The following CEP162 variants were observed in gnomAD, a reference collection of about 807,000 sequenced individuals.
The protein encoded by CEP162 is centrosomal protein of 162 kDa.
CEP162 carries 141 observed loss-of-function variants against 169.2 expected under a neutral mutation model. The observed-to-expected ratio is 0.83, with a 90% CI of 0.73 to 0.96. The LOEUF (loss-of-function observed/expected upper bound fraction) is 0.96. CEP162 is among the 40% of genes least tolerant of loss of function. The probability of loss-of-function intolerance (pLI) is 0.00; values close to 1 mark genes in which losing one functional copy is unlikely to be tolerated. For missense variants in CEP162, 1,600 were observed against 1,587.2 expected, an observed-to-expected ratio of 1.01 and a Z score of -0.14; for synonymous variants, 540 against 526.4, an observed-to-expected ratio of 1.03 and a Z score of -0.35.
At chr6:84,165,488 A>T (rs2099527463) in intron 18 of CEP162, among the ~76,000 whole-genome samples, 1 of 152,014 alleles carries the variant, frequency 6.6e-6, no homozygotes, top group Non-Finnish European at 1.5e-5. Flanking sequence ...TCTGTCTCCC[A>T]CAAACTTCAG....
At chr6:84,179,192 G>C (rs890963309) in intron 13 of CEP162, among the ~76,000 whole-genome samples, 9 of 152,138 alleles carry the variant, frequency 5.9e-5, no homozygotes, top group African/African-American at 2.2e-4. Context: ...GGGATGGCTG[G>C]TTCAAAAGGT....
chr6:84,214,834 A>G (rs1460928679), intron 5 of CEP162, among the ~76,000 whole-genome samples: 1 of 152,208 alleles, frequency 6.6e-6, no homozygotes, highest in Non-Finnish European at 1.5e-5. Context: ...TGGGATTTCT[A>G]GAATAAATGA....
intron 25 of CEP162, among the ~76,000 whole-genome samples, chr6:84,135,406 T>C (rs780424734): frequency 3.3e-5 from 5 of 152,152 alleles, no homozygotes; most frequent in Admixed American, 6.5e-5. Context: ...TGGCAGGAGG[T>C]GGCTCAGGTG....
At chr6:84,166,665 C>T (rs2129213400) in intron 18 of CEP162, among the ~76,000 whole-genome samples, 1 of 152,248 alleles carries the variant, frequency 6.6e-6, no homozygotes, top group South Asian at 2.1e-4. Flanking sequence ...CCCCATTCTC[C>T]TCCCAATCCT....
intron 21 of CEP162, among the ~76,000 whole-genome samples, chr6:84,157,064 T>G (rs368923197): frequency 1.2e-4 from 19 of 152,296 alleles, no homozygotes; most frequent in East Asian, 9.7e-4. Context: ...TTCACCACTA[T>G]GCAATATATG....
At chr6:84,145,611 T>G (rs1286759332) in intron 25 of CEP162, among the ~76,000 whole-genome samples, 1 of 152,078 alleles carries the variant, frequency 6.6e-6, no homozygotes, top group Non-Finnish European at 1.5e-5. Flanking sequence ...CTGGTCTAGA[T>G]CTCTGTCTAT....
chr6:84,226,477 C>A, intron 1 of CEP162, 25 bp from the exon 2 acceptor site: 1 of 978,444 alleles, frequency 1.0e-6, no homozygotes, highest in African/African-American at 1.6e-5. Flanking sequence ...ACATAAACAT[C>A]TTTTGAGGAA....
rs772030676 is a variant in CEP162, at chr6:84,200,881, G to C, written c.743C>G (p.Ser248Cys). ...ANVVLLDSLD[S>C]VAEVNLDEQD... ...TTCATCAAGATTGACCTCTGCAACA[G>C]AGTCTAATGAATCAAGCAGCACAAC... The change falls in exon 9 of 27, where the codon TCT (serine) becomes TGT (cysteine). Residue 248 changes from serine (S) to cysteine (C), a missense_variant. By Grantham distance (112) the Ser-to-Cys change is moderately radical. Coordinates refer to ENST00000403245, the MANE Select transcript of CEP162 (RefSeq NM_014895.4). The C allele has an allele frequency of 3.1e-6, 5 of 1,606,370 alleles. No homozygotes were observed. The highest frequency in any genetic ancestry group is 2.2e-5 in the South Asian group (2 of 90,668).
At chr6:84,129,724 T>C (rs2099510480) in intron 25 of CEP162, among the ~76,000 whole-genome samples, 1 of 152,148 alleles carries the variant, frequency 6.6e-6, no homozygotes, top group African/African-American at 2.4e-5. Flanking sequence ...TTTTGGTGTT[T>C]TAGTCATGAA....
intron 23 of CEP162, 75 bp downstream of exon 23, chr6:84,152,470 G>A (rs1243367273): frequency 1.3e-6 from 1 of 772,548 alleles, no homozygotes; most frequent in Non-Finnish European, 1.9e-6. Context: ...ATTATCTGGA[G>A]GAAATATATC....
Position 84,160,919 on chromosome 6 carries a change from G to T in CEP162, c.2677-3C>A, listed in dbSNP as rs886594532. On this transcript the variant is annotated splice_region_variant and splice_polypyrimidine_tract_variant and intron_variant, in intron 20 of 26. Transcript: ENST00000403245. ...GATTCAGCTTTCAGTTTCTCAATCTGTCAATAAATAAATAACATGTTAAGA... is the reference window on the plus strand; with the variant it reads ...GATTCAGCTTTCAGTTTCTCAATCTTTCAATAAATAAATAACATGTTAAGA... 6.4e-7 allele frequency: 1 copy of T among 1,570,128 alleles called. No homozygotes were observed. The highest frequency in any genetic ancestry group is 1.1e-5 in the South Asian group (1 of 90,174).
At chr6:84,137,197 T>C (rs910049671) in intron 25 of CEP162, among the ~76,000 whole-genome samples, 1 of 152,220 alleles carries the variant, frequency 6.6e-6, no homozygotes, top group Non-Finnish European at 1.5e-5. Flanking sequence ...TGACTTGCAT[T>C]GAAGAGAAAT....
intron 2 of CEP162, among the ~76,000 whole-genome samples, chr6:84,223,069 C>T (rs758783909): frequency 1.3e-5 from 2 of 152,088 alleles, no homozygotes; most frequent in Non-Finnish European, 2.9e-5. Flanking sequence ...TACTACTGAC[C>T]TTGTAGGGCC....
chr6:84,216,593 T>G (rs556661167), intron 3 of CEP162, among the ~76,000 whole-genome samples: 37 of 152,278 alleles, frequency 2.4e-4, no homozygotes, highest in African/African-American at 8.9e-4. Flanking sequence ...TAATATATAT[T>G]AAGCATATTA....
At chr6:84,185,567 C>T (rs534647442) in intron 12 of CEP162, 119 bp from the exon 13 acceptor site, 98 of 844,386 alleles carry the variant, frequency 1.2e-4, no homozygotes, top group Admixed American at 7.3e-4. Context: ...TTGTAAAAGG[C>T]AAACTACCAT....
intron 2 of CEP162, among the ~76,000 whole-genome samples, chr6:84,223,528 T>A (rs900781639): frequency 6.2e-5 from 9 of 144,996 alleles, no homozygotes; most frequent in South Asian, 2.2e-4. Flanking sequence ...AATAAATAAA[T>A]AAAAATAAAA....
rs575045348 is a variant in CEP162 at position 84,220,421 on chromosome 6, G to A, written c.172+636C>T. ...TGGGAGGACTGCTTGAGGCAAGTTC[G>A]AGATCAGCCTGGCAACACAGTGAGA... On this transcript the variant is annotated intron_variant, in intron 3 of 26. Transcript: ENST00000403245. Among the ~76,000 whole-genome samples, 8 of 152,116 alleles carry A rather than the reference G, an allele frequency of 5.3e-5. No individual in the cohort carries two copies. The East Asian group carries it at 9.7e-4, about 18-fold the overall frequency.
At chr6:84,217,176 TA>T (rs886640933) in intron 3 of CEP162, among the ~76,000 whole-genome samples, 7 of 149,640 alleles carry the variant, frequency 4.7e-5, no homozygotes, top group African/African-American at 1.2e-4. Context: ...TATCAGTGAA[TA>T]AAAAAAAACA....
intron 20 of CEP162, 85 bp downstream of exon 20, chr6:84,161,661 T>C (rs2099525827): frequency 2.2e-6 from 2 of 924,416 alleles, no homozygotes; most frequent in Non-Finnish European, 1.6e-6. Flanking sequence ...TAATTAATGA[T>C]GCAATGACAA....
Sources: allele counts gnomAD v4.1 joint callset (sites outside exome capture counted in the v4.1 genomes callset), GRCh38; gene constraint gnomAD v4.1.1; transcripts MANE v1.5; gene names NCBI Gene and HGNC (gene_info 2026-07-23, HGNC 2026-07-21).